The following HYDIN variants were observed in gnomAD, a reference collection of about 807,000 sequenced individuals.
HYDIN encodes HYDIN axonemal central pair apparatus protein.
A neutral mutation model predicts 403.9 loss-of-function variants in HYDIN; 132 were observed. That is an observed-to-expected ratio of 0.33 (90% CI 0.28 to 0.38). The LOEUF is 0.38. HYDIN is among the 10% of genes least tolerant of loss of function. The probability of loss-of-function intolerance (pLI) is 1.00; values close to 1 mark genes in which losing one functional copy is unlikely to be tolerated. For synonymous variants in HYDIN, 1,202 were observed against 1,891.7 expected (o/e 0.64, Z 9.46); for missense variants, 2,827 against 5,009.5 (o/e 0.56, Z 13.15).
At chr16:71,183,986 A>G (rs1805118755) in intron 3 of HYDIN, among the ~76,000 whole-genome samples, 2 of 152,140 alleles carry the variant, frequency 1.3e-5, no homozygotes, top group Admixed American at 1.3e-4. Context: ...ATTAGAAGAA[A>G]TGTCTTGGAA....
chr16:71,110,641 A>G (rs1321391997), intron 10 of HYDIN, among the ~76,000 whole-genome samples: 2 of 151,596 alleles, frequency 1.3e-5, no homozygotes, highest in East Asian at 3.9e-4. Context: ...TTATCGAGGG[A>G]AGGTGAGGGA....
At chr16:71,056,211 T>C (rs1205169827) in intron 18 of HYDIN, among the ~76,000 whole-genome samples, 1 of 151,198 alleles carries the variant, frequency 6.6e-6, no homozygotes, top group African/African-American at 2.4e-5. Context: ...CTGGGAACTG[T>C]TGGTGGAGGC....
At chr16:71,108,755 A>G (rs906788072) in intron 10 of HYDIN, among the ~76,000 whole-genome samples, 3 of 152,018 alleles carry the variant, frequency 2.0e-5, no homozygotes, top group Non-Finnish European at 2.9e-5. Flanking sequence ...CTAGAAACAA[A>G]GTCCAACATG....
At chr16:71,159,937 GA>G (rs917371889) in intron 6 of HYDIN, among the ~76,000 whole-genome samples, 1 of 133,834 alleles carries the variant, frequency 7.5e-6, no homozygotes, top group African/African-American at 3.0e-5. Flanking sequence ...TAAGCCAGGA[GA>G]AATAGGATAT....
intron 23 of HYDIN, among the ~76,000 whole-genome samples, chr16:70,993,110 G>A (rs12051042): frequency 2.6e-5 from 4 of 152,048 alleles, no homozygotes; most frequent in East Asian, 1.9e-4. Flanking sequence ...TCTTCCCACC[G>A]GAAGAAATTC....
chr16:70,945,110 C>A (rs1490412729), intron 41 of HYDIN, among the ~76,000 whole-genome samples: 1 of 152,170 alleles, frequency 6.6e-6, no homozygotes, highest in Non-Finnish European at 1.5e-5. Flanking sequence ...TGAGTGGAAA[C>A]AGGAAGATGT....
At chr16:71,105,388 C>T (rs2083583705) in intron 10 of HYDIN, among the ~76,000 whole-genome samples, 1 of 149,352 alleles carries the variant, frequency 6.7e-6, no homozygotes, top group South Asian at 2.1e-4. Flanking sequence ...TGCTGAGTAA[C>T]CAATATGTAG....
At chr16:71,208,942 T>G (rs1296145500) in intron 1 of HYDIN, among the ~76,000 whole-genome samples, 2 of 152,054 alleles carry the variant, frequency 1.3e-5, no homozygotes, top group Non-Finnish European at 2.9e-5. Flanking sequence ...CCAGACAGAT[T>G]CACAGCCAAA....
At chr16:71,228,290 C>A (rs937885646) in intron 1 of HYDIN, among the ~76,000 whole-genome samples, 6 of 152,084 alleles carry the variant, frequency 3.9e-5, no homozygotes, top group African/African-American at 1.4e-4. Flanking sequence ...GCAATGGCAA[C>A]AAAAGCCAGA....
At chr16:71,029,566 G>A (rs1193873796) in intron 19 of HYDIN, among the ~76,000 whole-genome samples, 5 of 107,586 alleles carry the variant, frequency 4.6e-5, no homozygotes, top group East Asian at 2.4e-4. Context: ...TTGAGTGCAC[G>A]AAAAGAAATT....
At position 71,181,196 on chromosome 16, in the gene HYDIN, TA is replaced by T. The variant is rs926272733; in HGVS notation, c.262-2150del. Among the ~76,000 whole-genome samples, 348 of 142,062 alleles carry T rather than the reference TA, an allele frequency of 2.4e-3. 1 individual carries two copies. Among genetic ancestry groups the T allele is most frequent in the African/African-American group, 5.7e-3 (224 of 39,102 alleles). 93.2% of individuals were successfully genotyped at this position (142,062 alleles called of 152,430 possible). On this transcript the variant is annotated intron_variant, in intron 3 of 85. Transcript: ENST00000393567. ...TATCTGAAAATTCAATGCAATACAT[TA>T]AAAAAAAAAATCCCAGCAGTTTTTT... is the stretch of plus-strand genomic sequence containing the variant.
At chr16:71,098,241 A>G (rs369759124) in intron 10 of HYDIN, among the ~76,000 whole-genome samples, 5,000 of 143,232 alleles carry the variant, frequency 0.035, 94 homozygotes, top group Middle Eastern at 0.056. Context: ...TCGCTCTGTC[A>G]CCCAGGCTGG....
At chr16:71,181,044 AC>A (rs1442033423) in intron 3 of HYDIN, among the ~76,000 whole-genome samples, 16 of 152,152 alleles carry the variant, frequency 1.1e-4, no homozygotes, top group Admixed American at 7.9e-4. Context: ...GAAACTAAAA[AC>A]ATTATTGTTT....
At chr16:70,986,215 C>T (rs1181488283) in intron 27 of HYDIN, among the ~76,000 whole-genome samples, 6 of 139,104 alleles carry the variant, frequency 4.3e-5, no homozygotes, top group Admixed American at 3.7e-4. Flanking sequence ...TGAACTTTTC[C>T]ATTCAAATGG....
At chr16:70,884,425 G>A (rs1257564870) in intron 58 of HYDIN, among the ~76,000 whole-genome samples, 1 of 151,388 alleles carries the variant, frequency 6.6e-6, no homozygotes, top group African/African-American at 2.4e-5. Flanking sequence ...CACTTATTCA[G>A]CTGGGCATCT....
intron 52 of HYDIN, 41 bp from the exon 53 acceptor site, chr16:70,901,243 T>C (rs1186154883): frequency 7.0e-7 from 1 of 1,419,242 alleles, no homozygotes; most frequent in Non-Finnish European, 9.8e-7. Flanking sequence ...ATTTCAAATT[T>C]TGTAGTTTCA....
chr16:70,845,846 T>C (rs1297761695), intron 75 of HYDIN, among the ~76,000 whole-genome samples: 1 of 138,136 alleles, frequency 7.2e-6, no homozygotes, highest in Non-Finnish European at 1.5e-5. Context: ...TTTGTAGTAT[T>C]CTCTGATGGT....
chr16:70,826,741 C>T (rs112102338), intron 83 of HYDIN, among the ~76,000 whole-genome samples: 3 of 136,078 alleles, frequency 2.2e-5, no homozygotes, highest in Non-Finnish European at 4.6e-5. Context: ...CTCTCTCTCT[C>T]TCTCTGTGTG....
chr16:70,922,384 A>C (rs1040813085), intron 45 of HYDIN, among the ~76,000 whole-genome samples: 3 of 152,246 alleles, frequency 2.0e-5, no homozygotes, highest in African/African-American at 7.2e-5. Context: ...GCAGTAAACT[A>C]TGAAGAATAT....
Sources: allele counts gnomAD v4.1 joint callset (sites outside exome capture counted in the v4.1 genomes callset), GRCh38; gene constraint gnomAD v4.1.1; transcripts MANE v1.5; gene names NCBI Gene and HGNC (gene_info 2026-07-23, HGNC 2026-07-21).